The following LINGO2 variants were observed in gnomAD, a reference collection of about 807,000 sequenced individuals.
The protein encoded by LINGO2 is leucine rich repeat and Ig domain containing 2.
A neutral mutation model predicts 30.6 loss-of-function variants in LINGO2; 14 were observed. The observed-to-expected ratio is 0.46, with a 90% CI of 0.30 to 0.72. LINGO2 has a LOEUF of 0.72. LINGO2 is among the 30% of genes least tolerant of loss of function. The pLI is 0.07. For missense variants in LINGO2, 729 were observed against 751.7 expected (o/e 0.97, Z 0.35); for synonymous variants, 317 against 288.5 (o/e 1.10, Z -1.00).
the LINGO2 span, among the ~76,000 whole-genome samples, chr9:29,116,889 T>A: frequency 6.6e-6 from 1 of 152,128 alleles, no homozygotes; most frequent in Non-Finnish European, 1.5e-5. Context: ...CTACTGAATA[T>A]TTTACATAAT....
chr9:28,628,058 T>C (rs1276257870), intron 1 of LINGO2, among the ~76,000 whole-genome samples: 3 of 152,010 alleles, frequency 2.0e-5, no homozygotes, highest in Non-Finnish European at 4.4e-5. Flanking sequence ...GCATAGTTTT[T>C]ATTTGTGGAG....
At chr9:28,413,628 G>A (rs904157164) in intron 2 of LINGO2, among the ~76,000 whole-genome samples, 2 of 152,004 alleles carry the variant, frequency 1.3e-5, no homozygotes, top group East Asian at 3.9e-4. Flanking sequence ...TACCACAATG[G>A]CTTTCCAGCT....
the LINGO2 span, among the ~76,000 whole-genome samples, chr9:28,814,204 C>G: frequency 3.3e-5 from 5 of 152,116 alleles, no homozygotes; most frequent in African/African-American, 1.2e-4. Context: ...TTTGGGAGGC[C>G]AAGGCAGGCA....
At chr9:28,378,601 G>A (rs554294408) in intron 2 of LINGO2, among the ~76,000 whole-genome samples, 18 of 152,266 alleles carry the variant, frequency 1.2e-4, no homozygotes, top group African/African-American at 4.3e-4. Flanking sequence ...CCTACTGACT[G>A]ATGAGGCTAC....
chr9:28,351,200 T>C lies in LINGO2; in HGVS notation c.-246+21636A>G, dbSNP rs1454708205. On this transcript the variant is annotated intron_variant, in intron 3 of 5. Coordinates refer to ENST00000379992, the Ensembl canonical transcript of LINGO2. Reference sequence around the variant, plus strand: ...CACAAAAAACCCTTCAAAAAATTAATGAATCCAGGAGCTGGTTTTTTGAAA... The same window carrying C: ...CACAAAAAACCCTTCAAAAAATTAACGAATCCAGGAGCTGGTTTTTTGAAA... Among the ~76,000 whole-genome samples the C allele has an allele frequency of 7.4e-4, 110 of 149,500 alleles. 1 individual carries two copies. The highest frequency in any genetic ancestry group is 7.1e-3 in the Admixed American group (107 of 14,984).
At chr9:29,178,660 T>C in the LINGO2 span, among the ~76,000 whole-genome samples, 10 of 152,224 alleles carry the variant, frequency 6.6e-5, no homozygotes, top group South Asian at 1.5e-3. Flanking sequence ...ACTATGTATA[T>C]AGGGAAGGAA....
the LINGO2 span, among the ~76,000 whole-genome samples, chr9:29,028,427 G>GGGCGGT: frequency 8.1e-6 from 1 of 123,876 alleles, no homozygotes; most frequent in African/African-American, 3.4e-5. Context: ...TGTGGGGGGG[G>GGGCGGT]GTGAGAGAGA....
chr9:28,554,450 T>C (rs534673532), intron 1 of LINGO2, among the ~76,000 whole-genome samples: 30 of 144,310 alleles, frequency 2.1e-4, no homozygotes, highest in African/African-American at 7.8e-4. Flanking sequence ...AAGAGCTAAC[T>C]ATCCTAAATA....
intron 2 of LINGO2, among the ~76,000 whole-genome samples, chr9:28,444,795 G>C (rs1450961069): frequency 6.6e-6 from 1 of 152,210 alleles, no homozygotes; most frequent in Non-Finnish European, 1.5e-5. Flanking sequence ...GCTGTGTGCA[G>C]TAGTCAGACC....
At chr9:28,712,693 A>T in the LINGO2 span, among the ~76,000 whole-genome samples, 1 of 151,844 alleles carries the variant, frequency 6.6e-6, no homozygotes. Context: ...TTAACTCCAA[A>T]TTTTTATTCA....
At chr9:28,067,000 T>A (rs1825332200) in intron 4 of LINGO2, among the ~76,000 whole-genome samples, 1 of 152,066 alleles carries the variant, frequency 6.6e-6, no homozygotes, top group South Asian at 2.1e-4. Context: ...TCCAGAGATT[T>A]AAATATAATT....
chr9:27,942,564 T>C, the LINGO2 span: 1 of 152,152 alleles, frequency 6.6e-6, no homozygotes, highest in Non-Finnish European at 1.5e-5. Flanking sequence ...ATCAAGATAC[T>C]TTTGTCATTA....
At chr9:27,985,653 G>T (rs188972418) in intron 5 of LINGO2, among the ~76,000 whole-genome samples, 2 of 148,160 alleles carry the variant, frequency 1.3e-5, no homozygotes, top group Non-Finnish European at 3.0e-5. Flanking sequence ...TTTTCAATTA[G>T]GGTTTATTAT....
chr9:29,080,660 T>C, the LINGO2 span, among the ~76,000 whole-genome samples: 1 of 152,238 alleles, frequency 6.6e-6, no homozygotes, highest in East Asian at 1.9e-4. Flanking sequence ...GTCTCATTGG[T>C]TTCAAAGAAC....
the LINGO2 span, among the ~76,000 whole-genome samples, chr9:29,050,217 G>A: frequency 6.6e-6 from 1 of 151,930 alleles, no homozygotes; most frequent in Non-Finnish European, 1.5e-5. Context: ...GTAGAGATGG[G>A]GTTTCACCAT....
At chr9:28,690,816 T>G in the LINGO2 span, among the ~76,000 whole-genome samples, 1 of 152,158 alleles carries the variant, frequency 6.6e-6, no homozygotes, top group African/African-American at 2.4e-5. Context: ...AATTCACTCT[T>G]AAGATTAATA....
At chr9:28,877,573 G>A in the LINGO2 span, among the ~76,000 whole-genome samples, 92 of 151,906 alleles carry the variant, frequency 6.1e-4, no homozygotes, top group African/African-American at 1.8e-3. Flanking sequence ...GATATGCAGC[G>A]TTATTTCTGA....
At chr9:28,099,854 C>G (rs535594339) in intron 4 of LINGO2, among the ~76,000 whole-genome samples, 2 of 152,256 alleles carry the variant, frequency 1.3e-5, no homozygotes, top group East Asian at 1.9e-4. Flanking sequence ...CTCCTGTCCT[C>G]TTGTTCAACT....
intron 1 of LINGO2, among the ~76,000 whole-genome samples, chr9:28,605,258 T>G (rs1825650626): frequency 6.6e-6 from 1 of 151,992 alleles, no homozygotes; most frequent in Non-Finnish European, 1.5e-5. Context: ...TTATTTAAAT[T>G]AATTTTATCT....
Sources: allele counts gnomAD v4.1 joint callset (sites outside exome capture counted in the v4.1 genomes callset), GRCh38; gene constraint gnomAD v4.1.1; transcripts MANE v1.5; gene names NCBI Gene and HGNC (gene_info 2026-07-23, HGNC 2026-07-21).